Variants in EPHB6 observed in about 807,000 individuals in gnomAD.
EPHB6 encodes EPH receptor B6, also known as ephrin type-B receptor 6.
A neutral mutation model predicts 107.0 loss-of-function variants in EPHB6; 51 were observed. That is an observed-to-expected ratio of 0.48 (90% CI 0.38 to 0.60). EPHB6 has a LOEUF of 0.60. Ranked by LOEUF, EPHB6 falls within the 20% of genes least tolerant of loss-of-function variation. The probability of loss-of-function intolerance (pLI) is 0.00; values close to 1 mark genes in which losing one functional copy is unlikely to be tolerated. For missense variants in EPHB6, 1,141 were observed against 1,355.5 expected, an observed-to-expected ratio of 0.84 and a Z score of 2.48; for synonymous variants, 553 against 549.0, an observed-to-expected ratio of 1.01 and a Z score of -0.10.
rs553392885 is a variant in EPHB6 at position 142,867,450 on chromosome 7, G to A, written c.1751-158G>A. On this transcript the variant is annotated intron_variant, in intron 11 of 19. Transcript: ENST00000652003. This position sits in a 1 kb window ranked among gnomAD's most constrained non-coding sequence, Gnocchi z 5.3. ...GTGTGGATGTGGGAGGGCTGTGGGC[G>A]TGTGTGTGTGTTGTGTGTCCCTGTG... 189 of 677,052 alleles carry A rather than the reference G, an allele frequency of 2.8e-4. 3 individuals are homozygous for A. Among genetic ancestry groups the A allele is most frequent in the South Asian group, 2.5e-3 (163 of 64,122 alleles). 41.9% of individuals were successfully genotyped at this position (677,052 alleles called of 1,614,324 possible).
intron 7 of EPHB6, 41 bp downstream of exon 7, chr7:142,864,790 C>G: frequency 6.2e-7 from 1 of 1,610,788 alleles, no homozygotes; most frequent in Non-Finnish European, 8.5e-7. Context: ...ACACCTCCCA[C>G]CCACCCCCAG....
Position 142,866,753 on chromosome 7 carries a change from GA to G in EPHB6, c.1587+149del. ...CTCACAGTCCCCACAGTAGGGGCCA[GA>G]GGCTGAATGGGCAAGGAGAGGTGCC... is the stretch of plus-strand genomic sequence containing the variant. On this transcript the variant is annotated intron_variant, in intron 10 of 19. Transcript: ENST00000652003. This position sits in a 1 kb window ranked among gnomAD's most constrained non-coding sequence, Gnocchi z 5.2. The G allele has an allele frequency of 6.3e-7, 1 of 1,578,356 alleles. No individual in the cohort carries two copies. The highest frequency in any genetic ancestry group is 8.7e-7 in the Non-Finnish European group (1 of 1,152,796).
chr7:142,865,391 A>G (rs1803094543), intron 7 of EPHB6, 84 bp from the exon 8 acceptor site: 3 of 1,571,636 alleles, frequency 1.9e-6, no homozygotes, highest in Non-Finnish European at 2.6e-6. Context: ...GAAGGCTGCG[A>G]GGATACCTGC....
Position 142,863,688 on chromosome 7 carries a change from C to G in EPHB6, c.158C>G (p.Pro53Arg). 6.2e-7 allele frequency: 1 copy of G among 1,613,720 alleles called. No individual in the cohort carries two copies. Among genetic ancestry groups the G allele is most frequent in the East Asian group, 2.2e-5 (1 of 44,852 alleles). Reference sequence around the variant, plus strand: ...GAGATTGGCTGGCTCACCTACCCACCAGGGGGGGTGAGTGCCACTCTAATT... The same window carrying G: ...GAGATTGGCTGGCTCACCTACCCACGAGGGGGGGTGAGTGCCACTCTAATT... Reference protein sequence around the residue: ...TSEIGWLTYPPGGWDEVSVLD... With the variant: ...TSEIGWLTYPRGGWDEVSVLD... The change falls in exon 6 of 20, where the codon CCA becomes CGA. Residue 53 changes from proline (P) to arginine (R), a missense_variant. Physicochemically the swap from Pro to Arg is moderately radical, Grantham distance 103. Around this residue, in one of 3 missense-constraint regions of EPHB6, gnomAD observed 221 missense variants for 300.5 expected, o/e 0.74. Transcript: ENST00000652003.
Sources: gnomAD v4.1 joint callset for allele counts on GRCh38, gnomAD v4.1.1 for gene constraint, gnomAD v4.1.1 regional missense constraint, Gnocchi (gnomAD v3.1) non-coding constraint, MANE v1.5 for transcripts, NCBI Gene and HGNC (gene_info 2026-07-23, HGNC 2026-07-21) for gene names.